Variants in PTPN3 observed in about 807,000 individuals in gnomAD.
The protein encoded by PTPN3 is tyrosine-protein phosphatase non-receptor type 3.
Under a neutral mutation model 132.7 loss-of-function variants are expected in PTPN3, and 96 were observed. The ratio of observed to expected loss-of-function variants is 0.72; its 90% confidence interval spans 0.61 to 0.86. The LOEUF (loss-of-function observed/expected upper bound fraction) is 0.86, where lower values mean the gene tolerates loss of function less well. PTPN3 is among the 40% of genes least tolerant of loss of function. The pLI, the probability that PTPN3 is intolerant of heterozygous loss-of-function variation, is 0.00. For synonymous variants in PTPN3, 398 were observed against 429.0 expected (o/e 0.93, Z 0.89); for missense variants, 1,125 against 1,159.6 (o/e 0.97, Z 0.43).
At chr9:109,388,503 G>A (rs1181862165) in intron 22 of PTPN3, among the ~76,000 whole-genome samples, 3 of 152,184 alleles carry the variant, frequency 2.0e-5, no homozygotes, top group Non-Finnish European at 4.4e-5. Context: ...CCTCAAATGA[G>A]CTCAGGTGCA....
chr9:109,452,266 CAAAAAAAAAAAA>C (rs1158259516), intron 5 of PTPN3, among the ~76,000 whole-genome samples: 3 of 71,658 alleles, frequency 4.2e-5, no homozygotes, highest in Admixed American at 3.4e-4. Context: ...AGCTCCGTCT[CAAAAAAAAAAAA>C]AAAAAAAAAG....
At chr9:109,404,360 G>T in intron 19 of PTPN3, 88 bp downstream of exon 19, 1 of 1,002,718 alleles carries the variant, frequency 1.0e-6, no homozygotes, top group Non-Finnish European at 1.4e-6. Flanking sequence ...AAGGGCTTGT[G>T]TCTCTGCCTC....
At chr9:109,482,554 T>C (rs1421727597) in intron 1 of PTPN3, among the ~76,000 whole-genome samples, 1 of 152,244 alleles carries the variant, frequency 6.6e-6, no homozygotes, top group Non-Finnish European at 1.5e-5. Context: ...TTTTTTGTTT[T>C]AAATGCTGTC....
intron 1 of PTPN3, among the ~76,000 whole-genome samples, chr9:109,492,847 ACAAT>A: frequency 6.6e-6 from 1 of 152,352 alleles, no homozygotes; most frequent in South Asian, 2.1e-4. Context: ...CCATCATGCA[ACAAT>A]CAGAGCTTGC....
chr9:109,463,655 A>G (rs1845959130), intron 1 of PTPN3, among the ~76,000 whole-genome samples: 1 of 152,240 alleles, frequency 6.6e-6, no homozygotes, highest in Non-Finnish European at 1.5e-5. Flanking sequence ...GTACGTTCAC[A>G]GAATTACGTG....
intron 18 of PTPN3, 50 bp downstream of exon 18, chr9:109,406,412 G>C: frequency 6.3e-7 from 1 of 1,581,908 alleles, no homozygotes; most frequent in Non-Finnish European, 8.6e-7. Flanking sequence ...AGCAGGCGCA[G>C]CTTGGCTAGG....
Position 109,395,909 on chromosome 9 carries a change from T to C in PTPN3, c.1954-4348A>G, listed in dbSNP as rs148821964. 4.8e-5 allele frequency among the ~76,000 whole-genome samples: 7 copies of C among 145,436 alleles called. No individual in the cohort carries two copies. In the East Asian group the frequency reaches 1.3e-3, roughly 26 times the overall value. On this transcript the variant is annotated intron_variant, in intron 19 of 25. Transcript: ENST00000374541. ...TCTTACTCTGTTACCTAGGCTGGAA[T>C]GCAATGGTGTGATCTCGGCTCACTG...
At chr9:109,497,876 T>C (rs1049106872) in intron 1 of PTPN3, among the ~76,000 whole-genome samples, 1 of 150,942 alleles carries the variant, frequency 6.6e-6, no homozygotes, top group South Asian at 2.1e-4. Flanking sequence ...CCTCCGGAGG[T>C]GCCGGACGCA....
intron 1 of PTPN3, among the ~76,000 whole-genome samples, chr9:109,468,517 C>T (rs1453992483): frequency 6.6e-6 from 1 of 152,154 alleles, no homozygotes; most frequent in Non-Finnish European, 1.5e-5. Context: ...CAGGCGCCCG[C>T]CACCACGCCC....
At chr9:109,533,971 T>C in the PTPN3 span, 1 of 760,488 alleles carries the variant, frequency 1.3e-6, no homozygotes. Flanking sequence ...GTGCTGCCTC[T>C]GCACCCTTTT....
chr9:109,512,446 C>A, the PTPN3 span, among the ~76,000 whole-genome samples: 1 of 152,228 alleles, frequency 6.6e-6, no homozygotes, highest in Non-Finnish European at 1.5e-5. Context: ...TAAACATTAT[C>A]ACACTAATCT....
At chr9:109,479,900 A>C (rs928811518) in intron 1 of PTPN3, among the ~76,000 whole-genome samples, 1 of 152,118 alleles carries the variant, frequency 6.6e-6, no homozygotes. Context: ...GGGAATAATC[A>C]GATTGTTTTC....
At chr9:109,394,804 G>A (rs1840430405) in intron 19 of PTPN3, among the ~76,000 whole-genome samples, 1 of 152,148 alleles carries the variant, frequency 6.6e-6, no homozygotes, top group South Asian at 2.1e-4. Context: ...GAACAAGTAT[G>A]GAAGGATACA....
At chr9:109,420,627 A>G (rs765128513) in intron 13 of PTPN3, 27 bp from the exon 14 acceptor site, 6 of 1,591,124 alleles carry the variant, frequency 3.8e-6, no homozygotes, top group Non-Finnish European at 5.1e-6. Context: ...TTGAGTGCAA[A>G]GTGTTCAAAG....
In PTPN3 at chr9:109,381,530, T is replaced by C. The variant is rs1460233890; in HGVS notation, c.2664+122A>G. ...TAGCCACTGACAAGCTCTGTGACCTTGGGCAAGTGATTCAGTCCCCCTGAG... is the reference window on the plus strand; with the variant it reads ...TAGCCACTGACAAGCTCTGTGACCTCGGGCAAGTGATTCAGTCCCCCTGAG... On this transcript the variant is annotated intron_variant, in intron 25 of 25. Coordinates refer to ENST00000374541, the MANE Select transcript of PTPN3 (RefSeq NM_002829.4). 3 of 1,397,330 alleles carry C rather than the reference T, an allele frequency of 2.1e-6. No homozygotes were observed. The African/African-American group carries it at 4.2e-5, about 20-fold the overall frequency. The allele number at this position is 1,397,330 out of a possible 1,614,324, so 86.6% of individuals were successfully genotyped here.
At chr9:109,414,819 C>A (rs1251123648) in intron 14 of PTPN3, among the ~76,000 whole-genome samples, 4 of 152,218 alleles carry the variant, frequency 2.6e-5, no homozygotes, top group Non-Finnish European at 5.9e-5. Flanking sequence ...CCTGCAGGGG[C>A]ACCTACCACA....
chr9:109,431,634 G>A (rs1469967411), intron 10 of PTPN3, among the ~76,000 whole-genome samples: 1 of 152,234 alleles, frequency 6.6e-6, no homozygotes, highest in Non-Finnish European at 1.5e-5. Flanking sequence ...AAATTGAACA[G>A]GGCTGTCGTC....
chr9:109,402,152 G>A (rs1841180292), intron 19 of PTPN3, among the ~76,000 whole-genome samples: 1 of 152,122 alleles, frequency 6.6e-6, no homozygotes, highest in Non-Finnish European at 1.5e-5. Flanking sequence ...CCAAAAAACC[G>A]GTATGCACTG....
At chr9:109,468,579 G>A (rs1304135245) in intron 1 of PTPN3, among the ~76,000 whole-genome samples, 2 of 151,988 alleles carry the variant, frequency 1.3e-5, no homozygotes, top group East Asian at 3.9e-4. Flanking sequence ...TGTTAGCCAG[G>A]ATGGTCTCGA....
Sources: allele counts gnomAD v4.1 joint callset (sites outside exome capture counted in the v4.1 genomes callset), GRCh38; gene constraint gnomAD v4.1.1; transcripts MANE v1.5; gene names NCBI Gene and HGNC (gene_info 2026-07-23, HGNC 2026-07-21).